Variants in ARL5B observed in about 807,000 individuals in gnomAD.
ARL5B encodes ADP-ribosylation factor-like protein 5B.
ARL5B carries 10 observed loss-of-function variants against 26.9 expected under a neutral mutation model. The observed-to-expected ratio is 0.37, with a 90% confidence interval of 0.23 to 0.63. The LOEUF is 0.63. ARL5B is among the 30% of genes least tolerant of loss of function. The pLI, the probability that ARL5B is intolerant of heterozygous loss-of-function variation, is 0.62. For missense variants in ARL5B, 167 were observed against 213.9 expected, an observed-to-expected ratio of 0.78 and a Z score of 1.37; for synonymous variants, 87 against 70.4, an observed-to-expected ratio of 1.24 and a Z score of -1.18.
At chr10:18,667,684 A>G (rs1314169282) in intron 2 of ARL5B, among the ~76,000 whole-genome samples, 1 of 151,948 alleles carries the variant, frequency 6.6e-6, no homozygotes, top group Non-Finnish European at 1.5e-5. Context: ...GGGTATGAGC[A>G]TCAGTATTCT....
intron 1 of ARL5B, among the ~76,000 whole-genome samples, chr10:18,663,843 C>T (rs1191879076): frequency 2.0e-5 from 3 of 149,830 alleles, no homozygotes; most frequent in East Asian, 4.0e-4. Flanking sequence ...CTACTGCGCC[C>T]GGCCCCAGCT....
chr10:18,662,177 C>G (rs899984934), intron 1 of ARL5B, among the ~76,000 whole-genome samples: 3 of 152,232 alleles, frequency 2.0e-5, no homozygotes, highest in Non-Finnish European at 4.4e-5. Context: ...CCACCTCACA[C>G]CAACTAAATT....
intron 3 of ARL5B, among the ~76,000 whole-genome samples, chr10:18,670,327 A>AG (rs1279385672): frequency 6.6e-6 from 1 of 151,788 alleles, no homozygotes; most frequent in Non-Finnish European, 1.5e-5. Flanking sequence ...AAGTAAGGGA[A>AG]GGGCCAGGCG....
chr10:18,669,856 G>A (rs2059878797), intron 3 of ARL5B, among the ~76,000 whole-genome samples: 1 of 151,968 alleles, frequency 6.6e-6, no homozygotes. Context: ...AGCCGGGCGT[G>A]GTGGGGCAGA....
At chr10:18,666,880 C>T (rs759166974) in intron 2 of ARL5B, among the ~76,000 whole-genome samples, 4 of 151,946 alleles carry the variant, frequency 2.6e-5, no homozygotes, top group Non-Finnish European at 4.4e-5. Flanking sequence ...ATAAATAAAG[C>T]GCATATTAGA....
At chr10:18,667,306 C>T (rs891805919) in intron 2 of ARL5B, among the ~76,000 whole-genome samples, 1 of 152,200 alleles carries the variant, frequency 6.6e-6, no homozygotes, top group Admixed American at 6.5e-5. Flanking sequence ...CATTAGAAGA[C>T]AGCCATCAGC....
chr10:18,668,443 G>A (rs1397293465), intron 2 of ARL5B, 87 bp from the exon 3 acceptor site: 8 of 1,433,220 alleles, frequency 5.6e-6, no homozygotes, highest in Non-Finnish European at 7.7e-6. Flanking sequence ...GGTGCAGAAG[G>A]TTGATTGATC....
Position 18,672,612 on chromosome 10 carries a change from T to G in ARL5B, c.256-10T>G, listed in dbSNP as rs369433772. ...TCAATTTTCTGTCTTTCCTTTTAAT[T>G]TTCTTCTAGTTCATCATTCTTGTTG... On this transcript the variant is annotated splice_polypyrimidine_tract_variant and intron_variant, in intron 3 of 5. Coordinates refer to ENST00000377275, the MANE Select transcript of ARL5B (RefSeq NM_178815.5). 4.4e-6 allele frequency: 7 copies of G among 1,597,888 alleles called. No individual in the cohort carries two copies. In the African/African-American group the frequency reaches 9.4e-5, roughly 22 times the overall value.
chr10:18,665,434 C>T (rs941988978), intron 1 of ARL5B, among the ~76,000 whole-genome samples: 1 of 152,202 alleles, frequency 6.6e-6, no homozygotes, highest in Admixed American at 6.5e-5. Context: ...TTCCAGAGGA[C>T]CGTGTCTGTT....
At chr10:18,660,258 C>G (rs566081446) in intron 1 of ARL5B, among the ~76,000 whole-genome samples, 1 of 151,840 alleles carries the variant, frequency 6.6e-6, no homozygotes, top group African/African-American at 2.4e-5. Flanking sequence ...AAACTAAATG[C>G]TTTTCGGTTT....
At chr10:18,665,229 A>T (rs558058281) in intron 1 of ARL5B, among the ~76,000 whole-genome samples, 2 of 152,168 alleles carry the variant, frequency 1.3e-5, no homozygotes, top group Non-Finnish European at 2.9e-5. Context: ...GGTCCCAGCT[A>T]TTCAGGAGGT....
intron 1 of ARL5B, among the ~76,000 whole-genome samples, chr10:18,663,401 A>G (rs1414140803): frequency 6.6e-6 from 1 of 152,166 alleles, no homozygotes; most frequent in Non-Finnish European, 1.5e-5. Context: ...TAATTTCATA[A>G]TTTAATCATT....
chr10:18,675,199 C>T lies in ARL5B; in HGVS notation c.523C>T (p.Arg175Trp), dbSNP rs571052432. The T allele has an allele frequency of 5.0e-6, 8 of 1,613,324 alleles. No individual in the cohort carries two copies. The African/African-American group carries it at 5.3e-5, about 11-fold the overall frequency. The change falls in exon 6 of 6, where the codon CGG (arginine) becomes TGG (tryptophan). Residue 175 changes from arginine (R) to tryptophan (W), a missense_variant. Transcript: ENST00000377275. Reference protein sequence around the residue: ...LCQGLEWMTSRIGVR With the variant: ...LCQGLEWMTSWIGVR ...CCAAGGTCTAGAGTGGATGACCTCC[C>T]GGATTGGTGTGAGATAACTTTTTTG...
At chr10:18,667,740 C>T (rs896861011) in intron 2 of ARL5B, among the ~76,000 whole-genome samples, 31 of 151,934 alleles carry the variant, frequency 2.0e-4, no homozygotes, top group African/African-American at 7.3e-4. Context: ...CACACACACA[C>T]ACATATTTGA....
intron 3 of ARL5B, among the ~76,000 whole-genome samples, chr10:18,670,163 G>C (rs976106156): frequency 6.6e-6 from 1 of 152,120 alleles, no homozygotes; most frequent in African/African-American, 2.4e-5. Context: ...CAACGTGTAA[G>C]TAAACAAAGA....
At chr10:18,668,707 C>T in intron 3 of ARL5B, 30 bp downstream of exon 3, 4 of 1,606,724 alleles carry the variant, frequency 2.5e-6, no homozygotes, top group South Asian at 2.2e-5. Context: ...GAATTTTAAT[C>T]CAAAGGTCCC....
rs376801401 is a variant in ARL5B at position 18,659,627 on chromosome 10, C to T, written c.-11C>T. The stretch of plus-strand genomic sequence containing the variant: ...TGCCGAGGGACCCCGCGGCCCGCCC[C>T]GGTGCTCGTGATGGGGCTGATCTTC... On this transcript the variant is annotated 5_prime_UTR_variant, in exon 1 of 6. Coordinates refer to ENST00000377275, the MANE Select transcript of ARL5B (RefSeq NM_178815.5). 204 of 1,608,628 alleles carry T rather than the reference C, an allele frequency of 1.3e-4. 1 individual carries two copies. The South Asian group carries it at 1.9e-3, about 15-fold the overall frequency.
At chr10:18,659,948 C>T in intron 1 of ARL5B, 1 of 985,020 alleles carries the variant, frequency 1.0e-6, no homozygotes, top group Non-Finnish European at 1.2e-6. Flanking sequence ...CGAAGTAAAG[C>T]GGGATACAGC....
rs1046152154 is a variant in ARL5B, at chr10:18,659,758, A to G, written c.46+75A>G. On this transcript the variant is annotated intron_variant, in intron 1 of 5. Coordinates refer to ENST00000377275, the MANE Select transcript of ARL5B (RefSeq NM_178815.5). ...CGCCGCCGATGGGGACACCGGAGAC[A>G]GGGGACAGAGCGTTCGGAGACGCGG... 2.5e-6 allele frequency: 4 copies of G among 1,581,664 alleles called. No individual in the cohort carries two copies. In the East Asian group the frequency reaches 7.0e-5, roughly 28 times the overall value.
Sources: gnomAD v4.1 joint callset for allele counts (sites outside exome capture counted in the v4.1 genomes callset) on GRCh38, gnomAD v4.1.1 for gene constraint, MANE v1.5 for transcripts, NCBI Gene and HGNC (gene_info 2026-07-23, HGNC 2026-07-21) for gene names.